MAP2K1: variants seen among roughly 807,000 people sequenced by gnomAD.
MAP2K1 encodes the protein mitogen-activated protein kinase kinase 1.
In MAP2K1, 16 loss-of-function variants were observed where a neutral mutation model predicts 46.3. The ratio of observed to expected loss-of-function variants is 0.35; its 90% CI spans 0.23 to 0.52. The LOEUF (loss-of-function observed/expected upper bound fraction) is 0.52, where lower values mean the gene tolerates loss of function less well. Ranked by LOEUF, MAP2K1 falls within the 20% of genes least tolerant of loss-of-function variation. The pLI, the probability that MAP2K1 is intolerant of heterozygous loss-of-function variation, is 0.94. For missense variants in MAP2K1, 263 were observed against 497.1 expected (o/e 0.53, Z 4.48); for synonymous variants, 183 against 185.6 (o/e 0.99, Z 0.11).
intron 5 of MAP2K1, among the ~76,000 whole-genome samples, chr15:66,448,161 A>AAAC (rs1395358268): frequency 1.4e-5 from 2 of 146,490 alleles, no homozygotes; most frequent in South Asian, 4.5e-4. Flanking sequence ...TCAAAAAAAA[A>AAAC]AAAAAAAAAA....
At chr15:66,480,444 T>G (rs531122432) in intron 5 of MAP2K1, among the ~76,000 whole-genome samples, 2 of 152,080 alleles carry the variant, frequency 1.3e-5, no homozygotes, top group African/African-American at 4.8e-5. Context: ...TGAATCTGTT[T>G]AAGAATAAAT....
At chr15:66,427,807 A>C (rs1014093309) in intron 1 of MAP2K1, among the ~76,000 whole-genome samples, 2 of 151,848 alleles carry the variant, frequency 1.3e-5, no homozygotes. Context: ...CAAAGTCAGG[A>C]GTTAGAGACC....
intron 1 of MAP2K1, among the ~76,000 whole-genome samples, chr15:66,414,103 C>G (rs983626504): frequency 6.6e-6 from 1 of 151,972 alleles, no homozygotes; most frequent in Non-Finnish European, 1.5e-5. Context: ...TAGCTCCACA[C>G]GTAGAGCCTG....
At chr15:66,462,967 T>G (rs1892366736) in intron 5 of MAP2K1, among the ~76,000 whole-genome samples, 1 of 152,200 alleles carries the variant, frequency 6.6e-6, no homozygotes, top group South Asian at 2.1e-4. Context: ...GCTTTGCACT[T>G]GTTTCTTTGC....
At chr15:66,445,965 T>A (rs1461679349) in intron 5 of MAP2K1, among the ~76,000 whole-genome samples, 1 of 152,152 alleles carries the variant, frequency 6.6e-6, no homozygotes, top group Non-Finnish European at 1.5e-5. Context: ...GGCTCATGCC[T>A]GTAATCCCAG....
intron 1 of MAP2K1, among the ~76,000 whole-genome samples, chr15:66,396,735 A>C (rs893351754): frequency 1.3e-5 from 2 of 151,860 alleles, no homozygotes; most frequent in African/African-American, 4.8e-5. Flanking sequence ...CCCAAGCTGG[A>C]GTGCAATGGC....
chr15:66,470,441 C>CTGTCCT (rs1892605186), intron 5 of MAP2K1, among the ~76,000 whole-genome samples: 1 of 152,194 alleles, frequency 6.6e-6, no homozygotes, highest in Non-Finnish European at 1.5e-5. Context: ...CCTGTCCTCC[C>CTGTCCT]TGTTGGAAGC....
intron 1 of MAP2K1, among the ~76,000 whole-genome samples, chr15:66,413,810 G>A (rs773359097): frequency 2.6e-5 from 4 of 152,090 alleles, no homozygotes; most frequent in Non-Finnish European, 5.9e-5. Flanking sequence ...AGTGACTAAC[G>A]CTGTCTTGAG....
chr15:66,408,750 C>T (rs1566998636), intron 1 of MAP2K1, among the ~76,000 whole-genome samples: 2 of 152,046 alleles, frequency 1.3e-5, no homozygotes, highest in Admixed American at 6.6e-5. Flanking sequence ...CTGGGGATTC[C>T]CGTCTCCACC....
intron 1 of MAP2K1, among the ~76,000 whole-genome samples, chr15:66,434,340 A>G (rs752641519): frequency 6.6e-6 from 1 of 152,208 alleles, no homozygotes; most frequent in Non-Finnish European, 1.5e-5. Context: ...ATTGTCGACA[A>G]TGTATTATGT....
At chr15:66,415,429 C>T (rs1360508359) in intron 1 of MAP2K1, among the ~76,000 whole-genome samples, 4 of 152,202 alleles carry the variant, frequency 2.6e-5, no homozygotes, top group South Asian at 2.1e-4. Context: ...CTGTCTAGTC[C>T]TCATCTTTGT....
rs996399790 is a variant in MAP2K1, at chr15:66,421,009, A to G, written c.81-14018A>G. ...CACATACATACATATATACACGTGC[A>G]TATATATACTTATAATTTTTATATG... On this transcript the variant is annotated intron_variant, in intron 1 of 10. Coordinates refer to ENST00000307102, the MANE Select transcript of MAP2K1 (RefSeq NM_002755.4). 3.8e-4 allele frequency among the ~76,000 whole-genome samples: 2 copies of G among 5,286 alleles called. 1 individual carries two copies. Among genetic ancestry groups the G allele is most frequent in the African/African-American group, 4.1e-4 (2 of 4,834 alleles). 3.5% of individuals were successfully genotyped at this position (5,286 alleles called of 152,430 possible).
At chr15:66,479,269 T>G (rs927710854) in intron 5 of MAP2K1, among the ~76,000 whole-genome samples, 2 of 152,144 alleles carry the variant, frequency 1.3e-5, no homozygotes, top group African/African-American at 4.8e-5. Flanking sequence ...GGCTAATTTT[T>G]GTATCTTCAC....
chr15:66,418,452 T>A (rs1595849991), intron 1 of MAP2K1, among the ~76,000 whole-genome samples: 1 of 152,338 alleles, frequency 6.6e-6, no homozygotes, highest in East Asian at 1.9e-4. Flanking sequence ...CTTTTTCTTT[T>A]TTTAAATTTA....
At chr15:66,429,670 C>T (rs1054903701) in intron 1 of MAP2K1, among the ~76,000 whole-genome samples, 1 of 34,902 alleles carries the variant, frequency 2.9e-5, no homozygotes, top group African/African-American at 1.2e-4. Context: ...CGGCGCCCCC[C>T]CCCCCCCCGT....
At chr15:66,463,420 A>G (rs879929787) in intron 5 of MAP2K1, among the ~76,000 whole-genome samples, 4 of 152,228 alleles carry the variant, frequency 2.6e-5, no homozygotes, top group African/African-American at 4.8e-5. Context: ...TTGAGGATGC[A>G]TGCCCATGAC....
chr15:66,437,620 C>T (rs1435747350), intron 3 of MAP2K1, among the ~76,000 whole-genome samples: 1 of 152,208 alleles, frequency 6.6e-6, no homozygotes, highest in Non-Finnish European at 1.5e-5. Flanking sequence ...ATTCCTGATA[C>T]TTGAGACCTG....
At chr15:66,453,915 C>T (rs1892099032) in intron 5 of MAP2K1, among the ~76,000 whole-genome samples, 1 of 152,174 alleles carries the variant, frequency 6.6e-6, no homozygotes, top group Non-Finnish European at 1.5e-5. Flanking sequence ...TCTCCTGCCT[C>T]AGCCTCCTGA....
intron 3 of MAP2K1, among the ~76,000 whole-genome samples, chr15:66,441,284 A>G (rs979054317): frequency 2.0e-5 from 3 of 152,068 alleles, no homozygotes; most frequent in Non-Finnish European, 4.4e-5. Flanking sequence ...CCTTTTTAAT[A>G]GAGATATTTC....
Sources: allele counts gnomAD v4.1 joint callset (sites outside exome capture counted in the v4.1 genomes callset), GRCh38; gene constraint gnomAD v4.1.1; transcripts MANE v1.5; gene names NCBI Gene and HGNC (gene_info 2026-07-23, HGNC 2026-07-21).